The following COL13A1 variants were observed in gnomAD, a reference collection of about 807,000 sequenced individuals.
COL13A1 encodes the protein collagen alpha-1(XIII) chain.
A neutral mutation model predicts 130.9 loss-of-function variants in COL13A1; 89 were observed. The observed-to-expected ratio is 0.68, with a 90% confidence interval of 0.57 to 0.81. The LOEUF (loss-of-function observed/expected upper bound fraction) is 0.81. Ranked by LOEUF, COL13A1 falls within the 30% of genes least tolerant of loss-of-function variation. COL13A1 has a pLI of 0.00. For missense variants in COL13A1, 879 were observed against 934.6 expected, an observed-to-expected ratio of 0.94 and a Z score of 0.78; for synonymous variants, 402 against 341.6, an observed-to-expected ratio of 1.18 and a Z score of -1.95.
intron 1 of COL13A1, among the ~76,000 whole-genome samples, chr10:69,808,188 G>A (rs929096677): frequency 1.3e-5 from 2 of 152,190 alleles, no homozygotes; most frequent in Non-Finnish European, 2.9e-5. Context: ...ATAGGAAGGT[G>A]GTGGGGAAAA....
intron 1 of COL13A1, among the ~76,000 whole-genome samples, chr10:69,815,151 A>T (rs1364572670): frequency 6.6e-6 from 1 of 152,134 alleles, no homozygotes; most frequent in Non-Finnish European, 1.5e-5. Context: ...TCACAGCTGC[A>T]GGTCTCACCT....
At chr10:69,923,728 G>T in intron 23 of COL13A1, 74 bp from the exon 24 acceptor site, 2 of 1,549,522 alleles carry the variant, frequency 1.3e-6, no homozygotes, top group South Asian at 2.4e-5. Context: ...TGAGCGGCAA[G>T]ACCATCTTTT....
rs115413871 is a variant in COL13A1, at chr10:69,825,258, C to T, written c.364+2820C>T. On this transcript the variant is annotated intron_variant, in intron 2 of 40. Coordinates refer to ENST00000645393, the MANE Select transcript of COL13A1 (RefSeq NM_001368882.1). The stretch of plus-strand genomic sequence containing the variant: ...CCTCAAATTCGCAAAGAGAACATCA[C>T]TGTCATTCTTGCCCTTACATCATGC... Among the ~76,000 whole-genome samples, 1,082 of 152,370 alleles carry T rather than the reference C, an allele frequency of 7.1e-3. 14 individuals are homozygous for T. Among genetic ancestry groups the T allele is most frequent in the African/African-American group, 0.025 (1,020 of 41,582 alleles).
chr10:69,913,329 G>A (rs923601067), intron 17 of COL13A1, among the ~76,000 whole-genome samples: 2 of 152,222 alleles, frequency 1.3e-5, no homozygotes, highest in Non-Finnish European at 2.9e-5. Context: ...CTTCTGGGGA[G>A]ACAAGAGGGG....
chr10:69,905,781 T>C lies in COL13A1; in HGVS notation c.886-6T>C, dbSNP rs1565015282. 6.2e-6 allele frequency: 10 copies of C among 1,613,490 alleles called. No individual in the cohort carries two copies. The East Asian group carries it at 2.0e-4, about 32-fold the overall frequency. On this transcript the variant is annotated splice_polypyrimidine_tract_variant and splice_region_variant and intron_variant, in intron 16 of 40. Coordinates refer to ENST00000645393, the MANE Select transcript of COL13A1 (RefSeq NM_001368882.1). ...CTCTTTAATGGCCTTCTCTTTGTTTTCCCAGGGAGACCCAGGGATCCAGGG... is the reference window on the plus strand; with the variant it reads ...CTCTTTAATGGCCTTCTCTTTGTTTCCCCAGGGAGACCCAGGGATCCAGGG...
intron 35 of COL13A1, among the ~76,000 whole-genome samples, chr10:69,942,950 C>T (rs547847415): frequency 3.9e-5 from 6 of 152,322 alleles, no homozygotes; most frequent in East Asian, 1.9e-4. Flanking sequence ...GGGTTTCAAG[C>T]GATTCTCCTG....
At chr10:69,929,441 T>C (rs1218458607) in intron 28 of COL13A1, among the ~76,000 whole-genome samples, 1 of 152,114 alleles carries the variant, frequency 6.6e-6, no homozygotes, top group Non-Finnish European at 1.5e-5. Flanking sequence ...TGCAAGTCTT[T>C]TTCCATCTTA....
intron 35 of COL13A1, among the ~76,000 whole-genome samples, chr10:69,943,527 G>T (rs1319377990): frequency 1.3e-5 from 2 of 152,154 alleles, no homozygotes; most frequent in Non-Finnish European, 2.9e-5. Flanking sequence ...TCCCTGCCAG[G>T]CCGGTGTCGG....
chr10:69,949,911 G>C (rs1361958557), intron 38 of COL13A1, among the ~76,000 whole-genome samples: 1 of 101,648 alleles, frequency 9.8e-6, no homozygotes, highest in African/African-American at 3.9e-5. Context: ...CTTTGGGGGG[G>C]TGGGGGGTGC....
chr10:69,861,408 C>G (rs1293476536), intron 2 of COL13A1, among the ~76,000 whole-genome samples: 1 of 152,146 alleles, frequency 6.6e-6, no homozygotes, highest in East Asian at 1.9e-4. Flanking sequence ...CTTACTGGCT[C>G]CTGTCCCTTC....
chr10:69,814,859 C>T (rs1433243905), intron 1 of COL13A1, among the ~76,000 whole-genome samples: 3 of 152,230 alleles, frequency 2.0e-5, no homozygotes, highest in Non-Finnish European at 4.4e-5. Context: ...AGGAGGCATG[C>T]ACTAATAATG....
intron 5 of COL13A1, among the ~76,000 whole-genome samples, chr10:69,875,859 G>A (rs1214439198): frequency 3.3e-5 from 5 of 152,222 alleles, no homozygotes; most frequent in Non-Finnish European, 5.9e-5. Context: ...CCCAGCCTGG[G>A]CTAGGACAGT....
chr10:69,903,928 T>C (rs2062457283), intron 15 of COL13A1, among the ~76,000 whole-genome samples: 2 of 152,100 alleles, frequency 1.3e-5, no homozygotes, highest in South Asian at 4.2e-4. Flanking sequence ...TCTCAAAGCT[T>C]GTTATAGGGT....
intron 2 of COL13A1, among the ~76,000 whole-genome samples, chr10:69,837,040 TGTTTGTGGTCATGGAGGG>T (rs72191532): frequency 0.3 from 45,492 of 151,856 alleles, 7,327 homozygotes; most frequent in African/African-American, 0.4. Context: ...GAGACCTGCC[TGTTTGTGGTCATGGAGGG>T]GTCTCCATGC....
At chr10:69,836,785 G>T (rs891617853) in intron 2 of COL13A1, among the ~76,000 whole-genome samples, 4 of 152,204 alleles carry the variant, frequency 2.6e-5, no homozygotes, top group African/African-American at 9.7e-5. Context: ...CTAGAATGAG[G>T]ACCAAGTATG....
rs182934961 is a variant in COL13A1, at chr10:69,890,542, C to G, written c.603+1102C>G. Among the ~76,000 whole-genome samples, 315 of 152,330 alleles carry G rather than the reference C, an allele frequency of 2.1e-3. 4 individuals are homozygous for G. The highest frequency in any genetic ancestry group is 0.02 in the Admixed American group (300 of 15,304). On this transcript the variant is annotated intron_variant, in intron 10 of 40. Transcript: ENST00000645393. ...CTGTTCAGTGGGGGCCTGGCTCATG[C>G]CTTGCTCCAAGCGCTGGTGTGAAGA...
At chr10:69,863,211 A>C (rs1209245857) in intron 2 of COL13A1, among the ~76,000 whole-genome samples, 1 of 152,182 alleles carries the variant, frequency 6.6e-6, no homozygotes, top group African/African-American at 2.4e-5. Flanking sequence ...GCCCGTACCC[A>C]CTACAGACCA....
At chr10:69,857,379 G>C (rs1856731110) in intron 2 of COL13A1, among the ~76,000 whole-genome samples, 1 of 152,194 alleles carries the variant, frequency 6.6e-6, no homozygotes, top group Admixed American at 6.5e-5. Context: ...GGGCTCATCT[G>C]AGAGGCAGGG....
chr10:69,813,317 T>C (rs1410104336), intron 1 of COL13A1, among the ~76,000 whole-genome samples: 1 of 152,196 alleles, frequency 6.6e-6, no homozygotes, highest in Non-Finnish European at 1.5e-5. Flanking sequence ...GCCCGGTTCC[T>C]TGACTCCTTG....
Sources: allele counts gnomAD v4.1 joint callset (sites outside exome capture counted in the v4.1 genomes callset), GRCh38; gene constraint gnomAD v4.1.1; transcripts MANE v1.5; gene names NCBI Gene and HGNC (gene_info 2026-07-23, HGNC 2026-07-21).